The following NYAP2 variants were observed in gnomAD, a reference collection of about 807,000 sequenced individuals.
The protein encoded by NYAP2 is neuronal tyrosine-phosphorylated phosphoinositide-3-kinase adaptor 2.
A neutral mutation model predicts 50.4 loss-of-function variants in NYAP2; 23 were observed. That is an observed-to-expected ratio of 0.46 (90% CI 0.33 to 0.65). The LOEUF is 0.65. NYAP2 is among the 30% of genes least tolerant of loss of function. The probability of loss-of-function intolerance (pLI) is 0.02; values close to 1 mark genes in which losing one functional copy is unlikely to be tolerated. For missense variants in NYAP2, 885 were observed against 861.0 expected, an observed-to-expected ratio of 1.03 and a Z score of -0.35; for synonymous variants, 394 against 365.2, an observed-to-expected ratio of 1.08 and a Z score of -0.90.
At chr2:225,529,450 C>G (rs150587398) in intron 4 of NYAP2, among the ~76,000 whole-genome samples, 1 of 151,922 alleles carries the variant, frequency 6.6e-6, no homozygotes, top group Non-Finnish European at 1.5e-5. Flanking sequence ...CTCAGCCCCC[C>G]GAGTAGCTGG....
chr2:225,461,163 C>A (rs1380981854), intron 3 of NYAP2, among the ~76,000 whole-genome samples: 2 of 152,112 alleles, frequency 1.3e-5, no homozygotes, highest in East Asian at 3.9e-4. Context: ...ATGCCAGATG[C>A]ACCTTACCAT....
At chr2:225,628,868 G>T (rs1693259479) in intron 6 of NYAP2, among the ~76,000 whole-genome samples, 1 of 152,012 alleles carries the variant, frequency 6.6e-6, no homozygotes, top group Non-Finnish European at 1.5e-5. Flanking sequence ...TATGATCTGA[G>T]AATACAATGA....
At chr2:225,400,089 G>C (rs958581215) in exon 1 of NYAP2, 3 of 152,094 alleles carry the variant, frequency 2.0e-5, no homozygotes, top group Non-Finnish European at 4.4e-5. Context: ...ATCCAAAGTA[G>C]AACGATGCCG....
chr2:225,681,496 TGG>T, the NYAP2 span, among the ~76,000 whole-genome samples: 2 of 152,182 alleles, frequency 1.3e-5, no homozygotes, highest in Non-Finnish European at 2.9e-5. Flanking sequence ...AGAGAAGCAG[TGG>T]AGCTTTACGG....
chr2:225,408,837 A>G (rs377463240), intron 2 of NYAP2, 27 bp from the exon 3 acceptor site: 1 of 1,374,872 alleles, frequency 7.3e-7, no homozygotes, highest in Non-Finnish European at 1.0e-6. Context: ...ACCCTGGATA[A>G]AAGTAAAATG....
intron 5 of NYAP2, among the ~76,000 whole-genome samples, chr2:225,607,939 T>A (rs1692816493): frequency 6.6e-6 from 1 of 152,158 alleles, no homozygotes; most frequent in Non-Finnish European, 1.5e-5. Context: ...GTTCCATTTT[T>A]AATACGCAGA....
intron 2 of NYAP2, among the ~76,000 whole-genome samples, chr2:225,407,607 A>G (rs962745376): frequency 6.6e-6 from 1 of 152,116 alleles, no homozygotes; most frequent in East Asian, 1.9e-4. Flanking sequence ...CAGAATGAAA[A>G]TTATTTGTAA....
Position 225,454,566 on chromosome 2 carries a change from A to G in NYAP2, c.221+45465A>G, listed in dbSNP as rs369416831. On this transcript the variant is annotated intron_variant, in intron 3 of 6. Coordinates refer to ENST00000636099, the Ensembl canonical transcript of NYAP2. ...TTAATATCTTACATCAGGGGTAGGG[A>G]TCAGGCTGCACAGCAGGAGGTGAGT... Among the ~76,000 whole-genome samples, 64 of 152,282 alleles carry G rather than the reference A, an allele frequency of 4.2e-4. No individual in the cohort carries two copies. The South Asian group carries it at 0.012, about 30-fold the overall frequency.
At chr2:225,444,061 T>C (rs973741853) in intron 3 of NYAP2, among the ~76,000 whole-genome samples, 4 of 152,234 alleles carry the variant, frequency 2.6e-5, no homozygotes, top group Non-Finnish European at 4.4e-5. Flanking sequence ...AAATTCATAA[T>C]GACAATCATC....
At chr2:225,424,670 TCC>T (rs1695260658) in intron 3 of NYAP2, among the ~76,000 whole-genome samples, 1 of 152,112 alleles carries the variant, frequency 6.6e-6, no homozygotes, top group Admixed American at 6.5e-5. Context: ...AATTGTAATT[TCC>T]TCTGTTTTTT....
chr2:225,457,391 A>G (rs1253499663), intron 3 of NYAP2, among the ~76,000 whole-genome samples: 1 of 152,186 alleles, frequency 6.6e-6, no homozygotes, highest in African/African-American at 2.4e-5. Flanking sequence ...CAATGGACAC[A>G]TTCCTTTATT....
chr2:225,557,430 G>C (rs530874896), intron 4 of NYAP2, among the ~76,000 whole-genome samples: 17 of 151,690 alleles, frequency 1.1e-4, no homozygotes, highest in African/African-American at 4.1e-4. Flanking sequence ...ATGCATGTTT[G>C]TATGTATGTT....
At chr2:225,564,456 A>C (rs1691927645) in intron 4 of NYAP2, among the ~76,000 whole-genome samples, 1 of 151,912 alleles carries the variant, frequency 6.6e-6, no homozygotes, top group Non-Finnish European at 1.5e-5. Flanking sequence ...AACATGGATC[A>C]AGCTACTCTG....
At position 225,501,634 on chromosome 2, in the gene NYAP2, C is replaced by T. The variant is rs148590739; in HGVS notation, c.222-11737C>T. Among the ~76,000 whole-genome samples the T allele has an allele frequency of 4.4e-3, 664 of 152,194 alleles. 8 individuals are homozygous for T. The highest frequency in any genetic ancestry group is 0.015 in the African/African-American group (639 of 41,532). ...CATCATACATTTTTTTTTGTTTCAACAGTGAAAGCAATTATTAGCTAATCA... is the reference window on the plus strand; with the variant it reads ...CATCATACATTTTTTTTTGTTTCAATAGTGAAAGCAATTATTAGCTAATCA... On this transcript the variant is annotated intron_variant, in intron 3 of 6. Transcript: ENST00000636099.
chr2:225,494,285 G>A (rs1477048456), intron 3 of NYAP2, among the ~76,000 whole-genome samples: 4 of 152,222 alleles, frequency 2.6e-5, no homozygotes, highest in African/African-American at 9.6e-5. Context: ...TGTGAATCAA[G>A]CCTTCTGTCA....
the NYAP2 span, chr2:225,702,868 GA>G: frequency 1.3e-5 from 2 of 151,502 alleles, no homozygotes; most frequent in African/African-American, 2.4e-5. Flanking sequence ...AAATTCTTTT[GA>G]AGTGTTCAAT....
intron 3 of NYAP2, among the ~76,000 whole-genome samples, chr2:225,495,079 T>C (rs1264938454): frequency 2.0e-5 from 3 of 152,214 alleles, no homozygotes; most frequent in Non-Finnish European, 4.4e-5. Flanking sequence ...GTGCTTATTT[T>C]AATAATTTAC....
chr2:225,421,752 A>G (rs571185232), intron 3 of NYAP2, among the ~76,000 whole-genome samples: 34 of 152,334 alleles, frequency 2.2e-4, no homozygotes, highest in Non-Finnish European at 4.3e-4. Context: ...AGAGATGTGT[A>G]GTTTATGGTT....
chr2:225,591,530 A>G (rs1385259253), intron 5 of NYAP2, among the ~76,000 whole-genome samples: 3 of 152,124 alleles, frequency 2.0e-5, no homozygotes, highest in Admixed American at 1.3e-4. Flanking sequence ...TAATAGTGGC[A>G]TATACTTAAC....
Sources: gnomAD v4.1 joint callset for allele counts (sites outside exome capture counted in the v4.1 genomes callset) on GRCh38, gnomAD v4.1.1 for gene constraint, MANE v1.5 for transcripts, NCBI Gene and HGNC (gene_info 2026-07-23, HGNC 2026-07-21) for gene names.